The following ABCG1 variants were observed in gnomAD, a reference collection of about 807,000 sequenced individuals.
ABCG1 encodes ATP-binding cassette sub-family G member 1.
ABCG1 carries 29 observed loss-of-function variants against 69.2 expected under a neutral mutation model. The observed-to-expected ratio is 0.42, with a 90% CI of 0.31 to 0.57. The LOEUF (loss-of-function observed/expected upper bound fraction) is 0.57, where lower values mean the gene tolerates loss of function less well. Among genes scored for constraint, ABCG1 ranks in the 20% least tolerant of loss-of-function variants. The pLI, the probability that ABCG1 is intolerant of heterozygous loss-of-function variation, is 0.15. For synonymous variants in ABCG1, 370 were observed against 374.8 expected, an observed-to-expected ratio of 0.99 and a Z score of 0.15; for missense variants, 718 against 898.1, an observed-to-expected ratio of 0.80 and a Z score of 2.56.
chr21:42,212,704 G>GATT (rs2067600374), upstream of ABCG1, among the ~76,000 whole-genome samples: 1 of 140,540 alleles, frequency 7.1e-6, no homozygotes, highest in African/African-American at 2.8e-5. Flanking sequence ...ATTAAAAACA[G>GATT]ATTTTTTTTT....
intron 14 of ABCG1, chr21:42,294,941 G>T (rs1601465290): frequency 2.6e-6 from 1 of 380,470 alleles, no homozygotes; most frequent in Non-Finnish European, 4.9e-6. Flanking sequence ...TGCCTTCGGT[G>T]GAAGCGCTTC....
intron 2 of ABCG1, among the ~76,000 whole-genome samples, chr21:42,257,424 G>A (rs1459084768): frequency 6.6e-6 from 1 of 152,234 alleles, no homozygotes; most frequent in East Asian, 1.9e-4. Context: ...ATACAGGACT[G>A]GTGACTACAA....
At chr21:42,222,387 G>A (rs895533319) in intron 1 of ABCG1, among the ~76,000 whole-genome samples, 3 of 152,204 alleles carry the variant, frequency 2.0e-5, no homozygotes, top group South Asian at 2.1e-4. Flanking sequence ...TCAACTGTAT[G>A]CATTGCTTTG....
intron 13 of ABCG1, among the ~76,000 whole-genome samples, chr21:42,292,169 T>C (rs1414295129): frequency 6.6e-6 from 1 of 152,148 alleles, no homozygotes; most frequent in Non-Finnish European, 1.5e-5. Flanking sequence ...TCTGTGGCTT[T>C]AGGACGCTCG....
intron 2 of ABCG1, among the ~76,000 whole-genome samples, chr21:42,232,341 C>T (rs2067913113): frequency 6.6e-6 from 1 of 152,196 alleles, no homozygotes; most frequent in South Asian, 2.1e-4. Flanking sequence ...GAAACCAAAC[C>T]CTCACCAGCT....
chr21:42,291,042 C>A lies in ABCG1; in HGVS notation c.1394-50C>A. On this transcript the variant is annotated intron_variant, in intron 11 of 14. Transcript: ENST00000398449. This position sits in a 1 kb window ranked among gnomAD's most constrained non-coding sequence, Gnocchi z 6.4. ...ATCGCCTGTTGGGATGTTAAACGGG[C>A]TCGCTGCACATGGTCACTGACCCTT... 1 of 1,420,040 alleles carries A rather than the reference C, an allele frequency of 7.0e-7. No homozygotes were observed. The highest frequency in any genetic ancestry group is 9.9e-7 in the Non-Finnish European group (1 of 1,007,768). 88.0% of individuals were successfully genotyped at this position (1,420,040 alleles called of 1,614,324 possible).
intron 2 of ABCG1, chr21:42,256,437 A>G: frequency 1.3e-6 from 2 of 1,549,600 alleles, no homozygotes; most frequent in Non-Finnish European, 1.7e-6. Flanking sequence ...CTGTCAGAGT[A>G]TCCAGAGGCC....
chr21:42,237,395 C>G (rs1320527709), intron 2 of ABCG1, among the ~76,000 whole-genome samples: 4 of 152,186 alleles, frequency 2.6e-5, no homozygotes, highest in African/African-American at 9.7e-5. Flanking sequence ...TACCAAGAAC[C>G]CACCTCATCT....
In ABCG1 at chr21:42,225,821, C is replaced by G. The variant is rs200360236; in HGVS notation, c.193C>G (p.Arg65Gly). The change falls in exon 2 of 15, where the codon CGC (arginine) becomes GGC (glycine). Residue 65 changes from arginine to glycine, a missense_variant. Transcript: ENST00000398449. ...KVDNNLTEAQ[R>G]FSSLPRRAAV... ...AGATAATAACCTCACGGAAGCCCAGCGCTTCTCCTCCTTGCCTCGGAGGGC... is the reference window on the plus strand; with the variant it reads ...AGATAATAACCTCACGGAAGCCCAGGGCTTCTCCTCCTTGCCTCGGAGGGC... The G allele has an allele frequency of 6.2e-7, 1 of 1,613,914 alleles. No individual in the cohort carries two copies. Among genetic ancestry groups the G allele is most frequent in the Admixed American group, 1.7e-5 (1 of 60,008 alleles).
At chr21:42,208,482 C>T (rs890389250) in intron 2 of ABCG1, among the ~76,000 whole-genome samples, 8 of 152,170 alleles carry the variant, frequency 5.3e-5, no homozygotes, top group African/African-American at 1.9e-4. Flanking sequence ...ATTCCATCTT[C>T]CCACAAGCCT....
rs140827387 is a variant in ABCG1, at chr21:42,245,668, G to A, written c.286+19754G>A. Among the ~76,000 whole-genome samples the A allele has an allele frequency of 1.7e-3, 265 of 152,356 alleles. 1 individual carries two copies. The highest frequency in any genetic ancestry group is 6.0e-3 in the African/African-American group (250 of 41,572). On this transcript the variant is annotated intron_variant, in intron 2 of 14. Transcript: ENST00000398449. Reference sequence around the variant, plus strand: ...AAGGCTGGATCTGCAAACAGGAGTCGCATCAGAGACAGAGAAGAGAGCACA... The same window carrying A: ...AAGGCTGGATCTGCAAACAGGAGTCACATCAGAGACAGAGAAGAGAGCACA...
intron 14 of ABCG1, chr21:42,294,947 G>A (rs1258589998): frequency 1.4e-5 from 5 of 365,856 alleles, no homozygotes; most frequent in African/African-American, 4.2e-5. Flanking sequence ...CGGTGGAAGC[G>A]CTTCCATCTT....
intron 2 of ABCG1, among the ~76,000 whole-genome samples, chr21:42,241,812 A>G (rs1189963003): frequency 7.9e-6 from 1 of 126,844 alleles, no homozygotes; most frequent in African/African-American, 3.3e-5. Flanking sequence ...CAGAGACCCT[A>G]TCTCTATTAA....
In ABCG1 at chr21:42,219,740, C is replaced by A; in HGVS notation, c.42+436C>A. ...GCGCGCGCGGCTGTGGGCTTGGGGA[C>A]CGGGGACTTCTCGCGCCATCCCCAG... On this transcript the variant is annotated intron_variant, in intron 1 of 14. Transcript: ENST00000398449. The surrounding 1 kb of genome is among the most constrained non-coding windows in gnomAD (Gnocchi z 5.3). 7.8e-7 allele frequency: 1 copy of A among 1,283,670 alleles called. No individual in the cohort carries two copies. Among genetic ancestry groups the A allele is most frequent in the Non-Finnish European group, 1.0e-6 (1 of 973,516 alleles). 79.5% of individuals were successfully genotyped at this position (1,283,670 alleles called of 1,614,324 possible).
Position 42,284,697 on chromosome 21 carries a change from G to T in ABCG1, c.858+14G>T, listed in dbSNP as rs191928695. ...CTGTTCGACCAGGTACGCGGGCCCC[G>T]GGCCCTCCCCGCCAGATTACCACTG... On this transcript the variant is annotated intron_variant, in intron 7 of 14. Transcript: ENST00000398449. 6.2e-7 allele frequency: 1 copy of T among 1,611,106 alleles called. No individual in the cohort carries two copies. The highest frequency in any genetic ancestry group is 1.7e-4 in the Middle Eastern group (1 of 6,060).
chr21:42,220,421 GA>G (rs4148146), intron 1 of ABCG1, among the ~76,000 whole-genome samples: 5,720 of 145,348 alleles, frequency 0.039, 324 homozygotes, highest in African/African-American at 0.13. Flanking sequence ...GAGCTCAAGA[GA>G]AAAAAAAAAA....
rs1158541221 is a variant in ABCG1, at chr21:42,273,966, G to A, written c.537+531G>A. Among the ~76,000 whole-genome samples the A allele has an allele frequency of 6.6e-6, 1 of 152,172 alleles. No individual in the cohort carries two copies. The highest frequency in any genetic ancestry group is 1.5e-5 in the Non-Finnish European group (1 of 68,042). On this transcript the variant is annotated intron_variant, in intron 4 of 14. Transcript: ENST00000398449. The surrounding 1 kb of genome is among the most constrained non-coding windows in gnomAD (Gnocchi z 5.3). ...TGAGCACATAGCTCTACACACACCA[G>A]ATATGTCATCCCAAAAAAGTGGGTG...
Position 42,225,699 on chromosome 21 carries a change from C to CTT in ABCG1, c.71_72insTT (p.Glu25TrpfsTer26), listed in dbSNP as rs772699943. ...GCCAGCAGTTACTCTGCAGAGATGA[C>CTT]GGAGCCCAAGTCGGTGTGTGTCTCG... On this transcript the variant is annotated frameshift_variant, in exon 2 of 15. Coordinates refer to ENST00000398449, the MANE Select transcript of ABCG1 (RefSeq NM_016818.3). LOFTEE classifies it high-confidence loss of function. The CTT allele has an allele frequency of 6.2e-7, 1 of 1,613,204 alleles. No individual in the cohort carries two copies. The highest frequency in any genetic ancestry group is 1.1e-5 in the South Asian group (1 of 91,032).
chr21:42,252,216 G>T (rs530931635), intron 2 of ABCG1, among the ~76,000 whole-genome samples: 1 of 152,216 alleles, frequency 6.6e-6, no homozygotes. Flanking sequence ...AGAGCAATAA[G>T]ACCTCGTGGT....
Sources: gnomAD v4.1 joint callset for allele counts (sites outside exome capture counted in the v4.1 genomes callset) on GRCh38, gnomAD v4.1.1 for gene constraint, Gnocchi (gnomAD v3.1) non-coding constraint, MANE v1.5 for transcripts, NCBI Gene and HGNC (gene_info 2026-07-23, HGNC 2026-07-21) for gene names.